Variants in TRIM33 observed in about 807,000 individuals in gnomAD.
TRIM33 encodes the protein tripartite motif containing 33.
TRIM33 carries 20 observed loss-of-function variants against 125.4 expected under a neutral mutation model. The ratio of observed to expected loss-of-function variants is 0.16; its 90% CI spans 0.11 to 0.23. The LOEUF (loss-of-function observed/expected upper bound fraction) is 0.23. Ranked by LOEUF, TRIM33 falls within the 10% of genes least tolerant of loss-of-function variation. TRIM33 has a pLI of 1.00. For synonymous variants in TRIM33, 564 were observed against 513.9 expected (o/e 1.10, Z -1.32); for missense variants, 920 against 1,411.4 (o/e 0.65, Z 5.58).
rs373901351 is a variant in TRIM33 at position 114,473,401 on chromosome 1, C to CT, written c.527-9014dup. On this transcript the variant is annotated intron_variant, in intron 1 of 19. Coordinates refer to ENST00000358465, the MANE Select transcript of TRIM33 (RefSeq NM_015906.4). ...TTCTTATTCCTGACGCACATGGCCC[C>CT]TGCTGCTGTGTTGTTCCCCTATTGG... Among the ~76,000 whole-genome samples, 392 of 152,242 alleles carry CT rather than the reference C, an allele frequency of 2.6e-3. 2 individuals are homozygous for CT. Among genetic ancestry groups the CT allele is most frequent in the African/African-American group, 9.2e-3 (384 of 41,546 alleles).
chr1:114,432,157 T>C (rs1647994804), intron 5 of TRIM33, among the ~76,000 whole-genome samples: 3 of 152,338 alleles, frequency 2.0e-5, no homozygotes, highest in South Asian at 4.1e-4. Context: ...CTCAACCCCG[T>C]GCAATCTTGT....
In TRIM33 at chr1:114,510,959, C is replaced by A; in HGVS notation, c.118G>T (p.Ala40Ser). 4 of 1,385,944 alleles carry A rather than the reference C, an allele frequency of 2.9e-6. No individual in the cohort carries two copies. The highest frequency in any genetic ancestry group is 3.7e-6 in the Non-Finnish European group (4 of 1,070,294). The allele number at this position is 1,385,944 out of a possible 1,614,324, so 85.9% of individuals were successfully genotyped here. A position where few individuals can be genotyped will look rare whatever the true frequency, so the allele number is the denominator to read the frequency against. The change falls in exon 1 of 20, where the codon GCG (alanine) becomes TCG (serine). Residue 40 changes from alanine (A) to serine (S), a missense_variant. Ala to Ser is a moderately conservative substitution (Grantham distance 99). Around this residue, in one of 8 missense-constraint regions of TRIM33, gnomAD observed 233 missense variants for 189.6 expected, o/e 1.23. Transcript: ENST00000358465. The part of the protein sequence containing the change: ...AAQEAEPPLT[A>S]VLVEEEEEEG... ...TCCTCCTCCTCCTCCACCAGCACCGCGGTGAGAGGCGGCTCCGCCTCCTGC... is the reference window on the plus strand; with the variant it reads ...TCCTCCTCCTCCTCCACCAGCACCGAGGTGAGAGGCGGCTCCGCCTCCTGC...
intron 11 of TRIM33, 64 bp from the exon 12 acceptor site, chr1:114,410,380 G>C: frequency 6.7e-7 from 1 of 1,492,388 alleles, no homozygotes; most frequent in Non-Finnish European, 9.1e-7. Flanking sequence ...TTAATTTTAT[G>C]TCACTGCTTA....
rs1477646428 is a variant in TRIM33 at position 114,504,535 on chromosome 1, T to C, written c.526+6016A>G. On this transcript the variant is annotated intron_variant, in intron 1 of 19. Transcript: ENST00000358465. ...GTCAGCGCAGTGAATAAGGAGAATA[T>C]CAAATTAGTGTAATTATGAAAATAG... Among the ~76,000 whole-genome samples, 4 of 152,206 alleles carry C rather than the reference T, an allele frequency of 2.6e-5. No homozygotes were observed. In the East Asian group the frequency reaches 7.7e-4, roughly 29 times the overall value.
Position 114,410,225 on chromosome 1 carries a change from T to A in TRIM33, c.2153A>T (p.Asn718Ile), listed in dbSNP as rs1652499789. The A allele has an allele frequency of 6.2e-7, 1 of 1,614,062 alleles. No individual in the cohort carries two copies. Residue 718 changes from asparagine to isoleucine, a missense_variant, in exon 12 of 20, where the codon AAT (asparagine) becomes ATT (isoleucine). Asn to Ile is a moderately radical substitution (Grantham distance 149). This residue lies in a region of TRIM33 where 407 missense variants were observed against 589.7 expected (regional missense o/e 0.69). Transcript: ENST00000358465. ...HLPPQPTSTM[N>I]PSPGPSALSP... is the part of the protein sequence containing the mutation. ...AAGGGCAGAGGGACCTGGAGAAGGATTCATGGTGCTTGTAGGCTGTGGGGG... is the reference window on the plus strand; with the variant it reads ...AAGGGCAGAGGGACCTGGAGAAGGAATCATGGTGCTTGTAGGCTGTGGGGG...
intron 16 of TRIM33, among the ~76,000 whole-genome samples, 197 bp from the exon 17 acceptor site, chr1:114,401,660 G>T (rs2101084592): frequency 6.6e-6 from 1 of 152,140 alleles, no homozygotes; most frequent in East Asian, 1.9e-4. Context: ...ACTATCTTTT[G>T]TTCTACTTTA....
intron 1 of TRIM33, chr1:114,490,744 G>A (rs1652012213): frequency 6.6e-6 from 1 of 152,168 alleles, no homozygotes; most frequent in Non-Finnish European, 1.5e-5. Flanking sequence ...AAGGTAGTGA[G>A]TTATCTCAAC....
chr1:114,399,739 T>C lies in TRIM33; in HGVS notation c.2968-130A>G, dbSNP rs764148195. Reference sequence around the variant, plus strand: ...GCCAGCTGCTTGCAAATTTTGAGTATAGACGTATGTACTTTACATCTTCAT... The same window carrying C: ...GCCAGCTGCTTGCAAATTTTGAGTACAGACGTATGTACTTTACATCTTCAT... On this transcript the variant is annotated intron_variant, in intron 17 of 19. Coordinates refer to ENST00000358465, the MANE Select transcript of TRIM33 (RefSeq NM_015906.4). 17 of 703,788 alleles carry C rather than the reference T, an allele frequency of 2.4e-5. No homozygotes were observed. In the East Asian group the frequency reaches 2.4e-4, roughly 10 times the overall value. The allele number at this position is 703,788 out of a possible 1,614,324, so 43.6% of individuals were successfully genotyped here.
chr1:114,402,685 C>T, intron 16 of TRIM33, 75 bp downstream of exon 16: 1 of 1,504,538 alleles, frequency 6.6e-7, no homozygotes, highest in Non-Finnish European at 8.9e-7. Context: ...GTATGCTACA[C>T]AGGAAAAAAA....
chr1:114,401,750 T>C (rs530696309), intron 16 of TRIM33, among the ~76,000 whole-genome samples: 97 of 152,326 alleles, frequency 6.4e-4, no homozygotes, highest in Non-Finnish European at 1.0e-3. Flanking sequence ...CAAAAATTTA[T>C]AAATTACTTG....
intron 4 of TRIM33, 67 bp from the exon 5 acceptor site, chr1:114,433,800 C>T: frequency 2.0e-6 from 2 of 979,342 alleles, no homozygotes; most frequent in Non-Finnish European, 3.2e-6. Flanking sequence ...AAATAAAGAA[C>T]AGCTAAATGA....
intron 1 of TRIM33, among the ~76,000 whole-genome samples, chr1:114,470,481 C>T (rs2101426774): frequency 6.6e-6 from 1 of 152,272 alleles, no homozygotes; most frequent in South Asian, 2.1e-4. Context: ...TGTATTCTGA[C>T]TGCTTCACTG....
chr1:114,436,392 C>T (rs563622652), intron 4 of TRIM33, among the ~76,000 whole-genome samples: 4 of 110,572 alleles, frequency 3.6e-5, no homozygotes, highest in African/African-American at 1.5e-4. Flanking sequence ...CAGAGTGAGA[C>T]TCTGTCTCAA....
At chr1:114,481,685 A>ATGTGTG (rs1459267980) in intron 1 of TRIM33, among the ~76,000 whole-genome samples, 25 of 151,186 alleles carry the variant, frequency 1.7e-4, no homozygotes, top group African/African-American at 5.8e-4. Context: ...GTATATATAT[A>ATGTGTG]TATATGTGTG....
intron 17 of TRIM33, among the ~76,000 whole-genome samples, chr1:114,400,422 T>C (rs1325818768): frequency 6.6e-6 from 1 of 152,174 alleles, no homozygotes; most frequent in Non-Finnish European, 1.5e-5. Context: ...CAGGCTGGTC[T>C]TGAACTCCTG....
chr1:114,404,850 T>G (rs1195127386), intron 15 of TRIM33: 1 of 149,772 alleles, frequency 6.7e-6, no homozygotes, highest in Non-Finnish European at 1.5e-5. Context: ...AGAAAAAAGC[T>G]GGGTTTACCC....
intron 4 of TRIM33, among the ~76,000 whole-genome samples, chr1:114,435,877 CTTTTTTTTTTTTTTT>C (rs34327766): frequency 6.8e-5 from 5 of 73,324 alleles, no homozygotes; most frequent in East Asian, 3.3e-4. Flanking sequence ...TAGACACCCG[CTTTTTTTTTTTTTTT>C]TTTTTTTTTT....
chr1:114,451,491 G>A (rs2101308775), intron 4 of TRIM33, among the ~76,000 whole-genome samples: 2 of 151,980 alleles, frequency 1.3e-5, no homozygotes, highest in Middle Eastern at 6.8e-3. Flanking sequence ...TTTGGAGGGA[G>A]ATGGAAAAAC....
intron 1 of TRIM33, among the ~76,000 whole-genome samples, chr1:114,470,062 A>C (rs1031435836): frequency 1.5e-4 from 23 of 152,238 alleles, no homozygotes; most frequent in African/African-American, 5.3e-4. Flanking sequence ...TGCACATACA[A>C]TCATATACGA....
Sources: allele counts gnomAD v4.1 joint callset (sites outside exome capture counted in the v4.1 genomes callset), GRCh38; gene constraint gnomAD v4.1.1; regional missense constraint gnomAD v4.1.1; transcripts MANE v1.5; gene names NCBI Gene and HGNC (gene_info 2026-07-23, HGNC 2026-07-21).